PMEL: variants seen among roughly 807,000 people sequenced by gnomAD.
The protein encoded by PMEL is premelanosome protein.
In PMEL, 53 loss-of-function variants were observed where a neutral mutation model predicts 64.9. The observed-to-expected ratio is 0.82, with a 90% CI of 0.66 to 1.03. PMEL has a LOEUF of 1.03. Among genes scored for constraint, PMEL ranks in the 50% least tolerant of loss-of-function variants. PMEL has a pLI of 0.00. For missense variants in PMEL, 716 were observed against 814.9 expected (o/e 0.88, Z 1.48); for synonymous variants, 299 against 316.2 (o/e 0.95, Z 0.58).
intron 4 of PMEL, 154 bp downstream of exon 4, chr12:55,958,319 G>T: frequency 1.2e-6 from 1 of 825,354 alleles, no homozygotes; most frequent in Non-Finnish European, 1.9e-6. Context: ...GTTGAAGGGG[G>T]CTAGGTGCTA....
At chr12:55,956,251 A>G (rs773733508) in intron 6 of PMEL, 32 bp from the exon 7 acceptor site, 1 of 1,413,234 alleles carries the variant, frequency 7.1e-7, no homozygotes. Context: ...GGCAAGATCA[A>G]GAGACAGATG....
At chr12:55,958,201 G>T in intron 4 of PMEL, 117 bp from the exon 5 acceptor site, 1 of 1,132,928 alleles carries the variant, frequency 8.8e-7, no homozygotes, top group Non-Finnish European at 1.3e-6. Context: ...TACTTCTGAG[G>T]GTGTTTGGAA....
At chr12:55,964,914 G>A (rs1889232431) in intron 1 of PMEL, among the ~76,000 whole-genome samples, 1 of 148,458 alleles carries the variant, frequency 6.7e-6, no homozygotes, top group Admixed American at 6.8e-5. Context: ...ACTGTGCCGG[G>A]CCTCATCCCC....
upstream of PMEL, chr12:55,966,069 A>C (rs547503982): frequency 2.5e-6 from 4 of 1,613,352 alleles, no homozygotes; most frequent in African/African-American, 5.3e-5. Flanking sequence ...GCCCCTATAT[A>C]AGAAAAGGGT....
At chr12:55,958,268 A>G in intron 4 of PMEL, 184 bp from the exon 5 acceptor site, 1 of 766,898 alleles carries the variant, frequency 1.3e-6, no homozygotes, top group Non-Finnish European at 2.1e-6. Context: ...ATGGGGTAGG[A>G]CTACAATTGA....
At position 55,958,570 on chromosome 12, in the gene PMEL, C is replaced by T. The variant is rs1416824928; in HGVS notation, c.372G>A (p.Gln124=). 1 of 1,614,154 alleles carries T rather than the reference C, an allele frequency of 6.2e-7. No homozygotes were observed. Among genetic ancestry groups the T allele is most frequent in the Admixed American group, 1.7e-5 (1 of 60,016 alleles). The change falls in exon 4 of 11, where the codon CAG becomes CAA. Residue 124 remains glutamine (Q), a synonymous_variant. Transcript: ENST00000548747. ...QVWGGQPVYP[Q]ETDDACIFPD... ...GGAAGATGCAGGCATCGTCAGTTTCCTGGGGATACACTGGCTGTCCTCCCC... is the reference window on the plus strand; with the variant it reads ...GGAAGATGCAGGCATCGTCAGTTTCTTGGGGATACACTGGCTGTCCTCCCC...
Position 55,956,954 on chromosome 12 carries a change from A to G in PMEL, c.1349T>C (p.Ile450Thr), listed in dbSNP as rs868435564. 6.2e-7 allele frequency: 1 copy of G among 1,613,976 alleles called. No homozygotes were observed. Residue 450 changes from isoleucine (I) to threonine (T), a missense_variant, in exon 6 of 11, where the codon ATT (isoleucine) becomes ACT (threonine). By Grantham distance (89) the Ile-to-Thr change is moderately conservative. Transcript: ENST00000548747. ...DASSIMSTES[I>T]TGSLGPLLDG... ...ATTCGCACTGATACTCTTACCTGTA[A>G]TACTTTCCGTAGACATGATTGAGCT...
At position 55,955,156 on chromosome 12, in the gene PMEL, G is replaced by A. The variant is rs1406691349; in HGVS notation, c.1850+118C>T. The A allele has an allele frequency of 4.9e-6, 4 of 817,252 alleles. No individual in the cohort carries two copies. The Admixed American group carries it at 7.2e-5, about 15-fold the overall frequency. 50.6% of individuals were successfully genotyped at this position (817,252 alleles called of 1,614,324 possible). A position where few individuals can be genotyped will look rare whatever the true frequency, so the allele number is the denominator to read the frequency against. ...AAGTCTGTCTAACTTAAAAGCCTGG[G>A]CTCTTTCCTGGACACCATGCTTCCT... On this transcript the variant is annotated intron_variant, in intron 10 of 10. Coordinates refer to ENST00000548747, the MANE Select transcript of PMEL (RefSeq NM_001384361.1).
chr12:55,961,655 A>G lies in PMEL; in HGVS notation c.154T>C (p.Trp52Arg). 3 of 1,613,678 alleles carry G rather than the reference A, an allele frequency of 1.9e-6. No individual in the cohort carries two copies. Among genetic ancestry groups the G allele is most frequent in the Non-Finnish European group, 2.5e-6 (3 of 1,179,908 alleles). ...CAGTCAAGTCTCTGGGCTTCTGTCC[A>G]CTCTGGATACAGCTGCCTGTTCCAG... ...KAWNRQLYPE[W>R]TEAQRLDCWR... Residue 52 changes from tryptophan (W) to arginine (R), a missense_variant, in exon 2 of 11, where the codon TGG becomes CGG. By Grantham distance (101) the Trp-to-Arg change is moderately radical. Coordinates refer to ENST00000548747, the MANE Select transcript of PMEL (RefSeq NM_001384361.1).
chr12:55,956,844 T>C (rs988560480), intron 6 of PMEL, 105 bp downstream of exon 6: 17 of 1,237,202 alleles, frequency 1.4e-5, no homozygotes, highest in East Asian at 2.3e-5. Context: ...GAGGGGACCA[T>C]AGTGCTAAGC....
intron 1 of PMEL, among the ~76,000 whole-genome samples, chr12:55,965,222 C>T (rs189710759): frequency 6.6e-5 from 10 of 152,266 alleles, no homozygotes; most frequent in East Asian, 5.8e-4. Flanking sequence ...CCACGGCGCC[C>T]GGCCTCATTC....
rs368771884 is a variant in PMEL, at chr12:55,956,143, C to T, written c.1431G>A (p.Leu477=). ...TGACGGAAAAGGAACCATATCGATA[C>T]AGAACACAATCCAGGGGGACTTGTC... ...VKRQVPLDCV[L]YRYGSFSVTL... is the part of the protein sequence containing the mutation. The change falls in exon 7 of 11, where the codon CTG becomes CTA. Residue 477 remains leucine, a synonymous_variant. Transcript: ENST00000548747. 1.5e-5 allele frequency: 25 copies of T among 1,613,940 alleles called. No individual in the cohort carries two copies. The South Asian group carries it at 2.3e-4, about 15-fold the overall frequency.
At chr12:55,965,750 T>G (rs1242888874) in intron 1 of PMEL, among the ~76,000 whole-genome samples, 186 bp downstream of exon 1, 1 of 152,114 alleles carries the variant, frequency 6.6e-6, no homozygotes, top group East Asian at 1.9e-4. Flanking sequence ...CATATGAGAT[T>G]ATTTTCAGGC....
intron 4 of PMEL, 45 bp from the exon 5 acceptor site, chr12:55,958,129 CA>C (rs1888966518): frequency 6.2e-7 from 1 of 1,600,446 alleles, no homozygotes. Context: ...GATTACTGGT[CA>C]AAGGGGACTG....
chr12:55,954,109 G>C lies in PMEL; in HGVS notation c.*105C>G. 8.9e-7 allele frequency: 1 copy of C among 1,124,398 alleles called. No individual in the cohort carries two copies. The highest frequency in any genetic ancestry group is 1.3e-6 in the Non-Finnish European group (1 of 793,136). 69.7% of individuals were successfully genotyped at this position (1,124,398 alleles called of 1,614,324 possible). A position where few individuals can be genotyped will look rare whatever the true frequency, so the allele number is the denominator to read the frequency against. On this transcript the variant is annotated 3_prime_UTR_variant, in exon 11 of 11. Coordinates refer to ENST00000548747, the MANE Select transcript of PMEL (RefSeq NM_001384361.1). ...GAAGCAACAGAAAAACCAGCATCAG[G>C]CTCTGAGTATTTATTTCAGTTAATA...
intron 3 of PMEL, among the ~76,000 whole-genome samples, chr12:55,959,248 G>C (rs936898687): frequency 1.3e-5 from 2 of 151,698 alleles, no homozygotes; most frequent in Non-Finnish European, 2.9e-5. Context: ...AGCCAGGTGT[G>C]GTGGTATGCA....
At chr12:55,957,898 G>A (rs1366841396) in intron 5 of PMEL, 25 bp downstream of exon 5, 11 of 1,612,812 alleles carry the variant, frequency 6.8e-6, no homozygotes, top group Non-Finnish European at 9.3e-6. Flanking sequence ...CCTACAACTG[G>A]CCTTGCCCCT....
rs768248501 is a variant in PMEL, at chr12:55,958,502, C to A, written c.440G>T (p.Arg147Ile). The change falls in exon 4 of 11, where the codon AGA becomes ATA. Residue 147 changes from arginine (R) to isoleucine (I), a missense_variant. Transcript: ENST00000548747. ...PCPSGSWSQK[R>I]SFVYVWKTWG... is the part of the protein sequence containing the mutation. ...GGTCTTCCAGACATAAACAAAGCTT[C>A]TCTTCTGAGACCAAGAGCCAGATGG... is the stretch of plus-strand genomic sequence containing the variant. 6.2e-7 allele frequency: 1 copy of A among 1,614,054 alleles called. No individual in the cohort carries two copies. Among genetic ancestry groups the A allele is most frequent in the African/African-American group, 1.3e-5 (1 of 74,918 alleles).
chr12:55,961,400 A>G lies in PMEL; in HGVS notation c.251T>C (p.Phe84Ser). ...GPTLIGANASFSIALNFPGSQ... is the reference protein window; with the variant it reads ...GPTLIGANASSSIALNFPGSQ... ...TCCAGGGAAGTTCAAGGCAATAGAG[A>G]AGGAGGCATTTGCACCAATCAGTGT... is the stretch of plus-strand genomic sequence containing the variant. The change falls in exon 3 of 11, where the codon TTC becomes TCC. Residue 84 changes from phenylalanine to serine, a missense_variant. Phe to Ser is a radical substitution (Grantham distance 155, BLOSUM62 -2). Coordinates refer to ENST00000548747, the MANE Select transcript of PMEL (RefSeq NM_001384361.1). The G allele has an allele frequency of 6.2e-7, 1 of 1,614,090 alleles. No homozygotes were observed. Among genetic ancestry groups the G allele is most frequent in the Non-Finnish European group, 8.5e-7 (1 of 1,179,966 alleles).
Sources: allele counts gnomAD v4.1 joint callset (sites outside exome capture counted in the v4.1 genomes callset), GRCh38; gene constraint gnomAD v4.1.1; transcripts MANE v1.5; gene names NCBI Gene and HGNC (gene_info 2026-07-23, HGNC 2026-07-21).